Variants in GANC observed in about 807,000 individuals in gnomAD.
GANC encodes the protein neutral alpha-glucosidase C.
In GANC, 117 loss-of-function variants were observed where a neutral mutation model predicts 124.2. The observed-to-expected ratio is 0.94, with a 90% CI of 0.81 to 1.10. The LOEUF is 1.10. Among genes scored for constraint, GANC ranks in the 50% least tolerant of loss-of-function variants. The pLI, the probability that GANC is intolerant of heterozygous loss-of-function variation, is 0.00. For synonymous variants in GANC, 377 were observed against 376.8 expected (o/e 1.00, Z -0.01); for missense variants, 1,140 against 1,095.0 (o/e 1.04, Z -0.58).
intron 22 of GANC, among the ~76,000 whole-genome samples, 168 bp from the exon 23 acceptor site, chr15:42,351,161 C>G (rs1425131261): frequency 6.6e-6 from 1 of 152,154 alleles, no homozygotes; most frequent in Non-Finnish European, 1.5e-5. Flanking sequence ...CGTGAGCCAC[C>G]GTGCCTGGGT....
Position 42,345,763 on chromosome 15 carries a change from G to T in GANC, c.2235G>T (p.Trp745Cys), listed in dbSNP as rs375666772. The part of the protein sequence containing the change: ...DVFLPGSNEV[W>C]YDYKTFAHWE... ...TGGACTCTGTTACTTTCTAGGTCTG[G>T]TATGACTATAAGACATTTGCTCATT... is the stretch of plus-strand genomic sequence containing the variant. Residue 745 changes from tryptophan to cysteine, a missense_variant, in exon 20 of 24, where the codon TGG becomes TGT. By Grantham distance (215) the Trp-to-Cys change is radical. Coordinates refer to ENST00000318010, the MANE Select transcript of GANC (RefSeq NM_198141.3). 8 of 1,608,314 alleles carry T rather than the reference G, an allele frequency of 5.0e-6. No individual in the cohort carries two copies. The highest frequency in any genetic ancestry group is 1.1e-5 in the South Asian group (1 of 90,744).
intron 11 of GANC, among the ~76,000 whole-genome samples, 160 bp downstream of exon 11, chr15:42,322,180 A>G (rs890166538): frequency 3.9e-5 from 6 of 152,332 alleles, no homozygotes; most frequent in African/African-American, 1.4e-4. Flanking sequence ...GAGAAAGTGA[A>G]TGGTAAAAAG....
intron 3 of GANC, chr15:42,281,108 C>T: frequency 1.4e-6 from 1 of 702,552 alleles, no homozygotes; most frequent in Non-Finnish European, 2.6e-6. Flanking sequence ...ACTTTGAGGA[C>T]CTCTTGGAAC....
chr15:42,352,336 C>T lies in GANC; in HGVS notation c.*197C>T. 1 of 1,390,290 alleles carries T rather than the reference C, an allele frequency of 7.2e-7. No individual in the cohort carries two copies. Among genetic ancestry groups the T allele is most frequent in the Non-Finnish European group, 9.3e-7 (1 of 1,072,640 alleles). The allele number at this position is 1,390,290 out of a possible 1,614,324, so 86.1% of individuals were successfully genotyped here. ...GATTTTACATGTTAAGATGTACTAACAATATTCCTTGTATCAAACATCTCC... is the reference window on the plus strand; with the variant it reads ...GATTTTACATGTTAAGATGTACTAATAATATTCCTTGTATCAAACATCTCC... On this transcript the variant is annotated 3_prime_UTR_variant, in exon 24 of 24. Transcript: ENST00000318010.
chr15:42,348,101 A>G lies in GANC; in HGVS notation c.2305-2A>G, dbSNP rs1406713889. On this transcript the variant is annotated splice_acceptor_variant, in intron 20 of 23. Transcript: ENST00000318010. LOFTEE classifies it high-confidence loss of function. ...TTCCCTGAGCGTGCTGCTCTGTTACAGATTCCAGTGTTTCAGCGAGGTGGA... is the reference window on the plus strand; with the variant it reads ...TTCCCTGAGCGTGCTGCTCTGTTACGGATTCCAGTGTTTCAGCGAGGTGGA... The G allele has an allele frequency of 6.3e-7, 1 of 1,582,222 alleles. No individual in the cohort carries two copies. The highest frequency in any genetic ancestry group is 8.6e-7 in the Non-Finnish European group (1 of 1,157,610).
chr15:42,274,644 A>C (rs1406624864), intron 1 of GANC, 134 bp downstream of exon 1: 2 of 861,888 alleles, frequency 2.3e-6, no homozygotes, highest in Non-Finnish European at 3.5e-6. Flanking sequence ...GCGGGAAGTT[A>C]GTTGATATTA....
chr15:42,306,878 C>T lies in GANC; in HGVS notation c.625+266C>T, dbSNP rs111912438. Among the ~76,000 whole-genome samples, 128 of 152,288 alleles carry T rather than the reference C, an allele frequency of 8.4e-4. 1 individual carries two copies. The highest frequency in any genetic ancestry group is 3.4e-3 in the Middle Eastern group (1 of 294). Reference sequence around the variant, plus strand: ...GTCATGGGTCAGCACACTGCTTGCACTGTTCATCAGATAAGACAGCTACAA... The same window carrying T: ...GTCATGGGTCAGCACACTGCTTGCATTGTTCATCAGATAAGACAGCTACAA... On this transcript the variant is annotated intron_variant, in intron 7 of 23. Coordinates refer to ENST00000318010, the MANE Select transcript of GANC (RefSeq NM_198141.3).
intron 20 of GANC, among the ~76,000 whole-genome samples, chr15:42,347,055 T>A (rs79150127): frequency 0.038 from 5,754 of 152,000 alleles, 298 homozygotes; most frequent in African/African-American, 0.12. Flanking sequence ...GAAGTTAAAT[T>A]ATTTGTCCAG....
At chr15:42,343,319 A>T in intron 19 of GANC, 165 bp downstream of exon 19, 1 of 596,404 alleles carries the variant, frequency 1.7e-6, no homozygotes, top group South Asian at 2.1e-5. Context: ...AGGTCAAGAA[A>T]CTTAATGGAG....
chr15:42,329,562 C>A, intron 14 of GANC, 113 bp downstream of exon 14: 1 of 1,143,304 alleles, frequency 8.7e-7, no homozygotes, highest in Non-Finnish European at 1.2e-6. Context: ...CTTTGTGTGT[C>A]TTTTCTGACA....
chr15:42,292,011 T>C (rs2051845640), intron 4 of GANC, among the ~76,000 whole-genome samples: 1 of 151,970 alleles, frequency 6.6e-6, no homozygotes, highest in African/African-American at 2.4e-5. Flanking sequence ...CCTGAAAGAG[T>C]CCTGTGAACA....
At chr15:42,278,627 T>G in intron 3 of GANC, 37 bp downstream of exon 3, 2 of 1,448,122 alleles carry the variant, frequency 1.4e-6, no homozygotes, top group Non-Finnish European at 1.9e-6. Context: ...AATAATTTGT[T>G]TCTGTATTTA....
chr15:42,347,493 T>A lies in GANC; in HGVS notation c.2305-610T>A, dbSNP rs185641295. 2.0e-3 allele frequency among the ~76,000 whole-genome samples: 309 copies of A among 152,306 alleles called. 1 individual carries two copies. Among genetic ancestry groups the A allele is most frequent in the African/African-American group, 6.9e-3 (288 of 41,552 alleles). On this transcript the variant is annotated intron_variant, in intron 20 of 23. Transcript: ENST00000318010. The stretch of plus-strand genomic sequence containing the variant: ...GGCCTGTTGTTAGGGTCTCTTAAAG[T>A]ACCCTTGGTAGTCTCTAATGTAAGA...
At chr15:42,322,411 G>A (rs1470594413) in intron 11 of GANC, among the ~76,000 whole-genome samples, 1 of 152,176 alleles carries the variant, frequency 6.6e-6, no homozygotes, top group Admixed American at 6.5e-5. Flanking sequence ...GAGCAGGGGT[G>A]GCTCCCAAGC....
chr15:42,283,519 G>A (rs756279624), intron 3 of GANC: 18 of 632,244 alleles, frequency 2.8e-5, no homozygotes, highest in Admixed American at 7.3e-5. Flanking sequence ...TGCTAGCAAG[G>A]ATGTCTGGAG....
rs139037629 is a variant in GANC, at chr15:42,297,942, A to T, written c.558+286A>T. The stretch of plus-strand genomic sequence containing the variant: ...GGAGAATCAGCCTTGAATAAAACAA[A>T]TCCCAAACATGTTCTCATGGAAATT... On this transcript the variant is annotated intron_variant, in intron 6 of 23. Transcript: ENST00000318010. Among the ~76,000 whole-genome samples the T allele has an allele frequency of 1.9e-4, 29 of 152,326 alleles. No homozygotes were observed. The East Asian group carries it at 5.4e-3, about 28-fold the overall frequency.
In GANC at chr15:42,286,273, T is replaced by A. The variant is rs539108427; in HGVS notation, c.202-1418T>A. Among the ~76,000 whole-genome samples, 15 of 152,352 alleles carry A rather than the reference T, an allele frequency of 9.8e-5. No homozygotes were observed. In the East Asian group the frequency reaches 2.9e-3, roughly 29 times the overall value. ...CTTCTTAATCTCTTGCCTTTCTGTT[T>A]TAAAACTTATCACAGAATGCTCTGT... On this transcript the variant is annotated intron_variant, in intron 3 of 23. Transcript: ENST00000318010.
intron 3 of GANC, among the ~76,000 whole-genome samples, chr15:42,283,136 A>T (rs567068524): frequency 2.0e-4 from 30 of 152,164 alleles, no homozygotes; most frequent in Non-Finnish European, 1.2e-4. Flanking sequence ...CAGGACATAG[A>T]TCTGTTCCAA....
chr15:42,274,616 T>C, intron 1 of GANC, 106 bp downstream of exon 1: 1 of 1,121,104 alleles, frequency 8.9e-7, no homozygotes, highest in Non-Finnish European at 1.3e-6. Context: ...TGCTGACCTT[T>C]ATCTTTTCTC....
Sources: gnomAD v4.1 joint callset for allele counts (sites outside exome capture counted in the v4.1 genomes callset) on GRCh38, gnomAD v4.1.1 for gene constraint, MANE v1.5 for transcripts, NCBI Gene and HGNC (gene_info 2026-07-23, HGNC 2026-07-21) for gene names.